Variants in PRH1 observed in about 807,000 individuals in gnomAD.
PRH1 encodes the protein proline rich protein HaeIII subfamily 1, also known as salivary acidic proline-rich phosphoprotein 1/2.
A neutral mutation model predicts 7.9 loss-of-function variants in PRH1; 7 were observed. The observed-to-expected ratio is 0.89, with a 90% confidence interval of 0.50 to 1.67. The LOEUF is 1.67. Ranked by LOEUF, PRH1 falls within the 40% of genes most tolerant of loss-of-function variation. The probability of loss-of-function intolerance (pLI) is 0.00; values close to 1 mark genes in which losing one functional copy is unlikely to be tolerated. For missense variants in PRH1, 109 were observed against 223.6 expected, an observed-to-expected ratio of 0.49 and a Z score of 3.27; for synonymous variants, 45 against 80.8, an observed-to-expected ratio of 0.56 and a Z score of 2.38.
At chr12:10,921,721 G>A (rs940770820) in intron 2 of PRH1, among the ~76,000 whole-genome samples, 35 of 152,140 alleles carry the variant, frequency 2.3e-4, no homozygotes, top group African/African-American at 8.2e-4. Context: ...CTTTTGCTGA[G>A]TCTATGACTT....
At chr12:10,954,631 C>T (rs372087239) in intron 2 of PRH1, among the ~76,000 whole-genome samples, 1 of 152,008 alleles carries the variant, frequency 6.6e-6, no homozygotes, top group African/African-American at 2.4e-5. Context: ...CCATGACTGG[C>T]TAATTTTTGT....
At chr12:11,065,468 A>G (rs1047253180) in intron 1 of PRH1, among the ~76,000 whole-genome samples, 1 of 151,836 alleles carries the variant, frequency 6.6e-6, no homozygotes, top group African/African-American at 2.4e-5. Context: ...AATGTCTCTG[A>G]CCCTCTAGCC....
chr12:11,051,189 A>G (rs558307094), upstream of PRH1, among the ~76,000 whole-genome samples: 40 of 152,364 alleles, frequency 2.6e-4, no homozygotes, highest in African/African-American at 8.9e-4. Context: ...GGAAAAATAG[A>G]TGGAAAATGT....
chr12:10,908,889 G>A, intron 2 of PRH1: 6 of 1,612,854 alleles, frequency 3.7e-6, no homozygotes, highest in Non-Finnish European at 5.1e-6. Flanking sequence ...GAAGACCAAG[G>A]TTCCTAGCAG....
intron 1 of PRH1, among the ~76,000 whole-genome samples, chr12:10,995,929 C>T (rs115247606): frequency 0.026 from 3,970 of 152,046 alleles, 167 homozygotes; most frequent in African/African-American, 0.089. Context: ...CTCAGTATTG[C>T]TTTTGATACA....
In PRH1 at chr12:11,168,203, AAGAAAGAAAG is replaced by A. The variant is rs1947642973; in HGVS notation, n.39+3209_39+3218del. Among the ~76,000 whole-genome samples the A allele has an allele frequency of 1.2e-4, 5 of 42,748 alleles. 1 individual carries two copies. In the South Asian group the frequency reaches 7.5e-3, roughly 64 times the overall value. The allele number at this position is 42,748 out of a possible 152,430, so 28.0% of individuals were successfully genotyped here. ...ATATTAAAGCCATGGCAAAAAACGAAAGAAAGAAAGAAGAAAGAAAGAAAGAAAGAAAGAA... is the reference window on the plus strand; with the variant it reads ...ATATTAAAGCCATGGCAAAAAACGAAAAGAAAGAAAGAAAGAAAGAAAGAA... On this transcript the variant is annotated intron_variant and non_coding_transcript_variant, in intron 1 of 1. Transcript: ENST00000541175.
intron 1 of PRH1, among the ~76,000 whole-genome samples, chr12:11,035,963 G>A (rs1942418039): frequency 6.6e-6 from 1 of 152,074 alleles, no homozygotes; most frequent in Admixed American, 6.5e-5. Context: ...GCGCGATCTC[G>A]GCTCACTGCA....
rs1438044802 is a variant in PRH1, at chr12:10,954,529, G to A, written c.-59+19126C>T. 3.9e-5 allele frequency among the ~76,000 whole-genome samples: 6 copies of A among 152,138 alleles called. No individual in the cohort carries two copies. In the East Asian group the frequency reaches 5.8e-4, roughly 15 times the overall value. On this transcript the variant is annotated intron_variant, in intron 2 of 3. Coordinates refer to the PRH1 transcript ENST00000539853. ...GTTGCCCAGGCCATAGTGCAGTGGC[G>A]CAATCTCAGCCTACCACAACCTCTA...
chr12:11,160,553 C>G (rs1332116518), intron 1 of PRH1, among the ~76,000 whole-genome samples: 1 of 152,140 alleles, frequency 6.6e-6, no homozygotes, highest in Non-Finnish European at 1.5e-5. Flanking sequence ...TCACTGCAAC[C>G]TCCGCCTCCC....
At chr12:11,115,067 T>C (rs549568180) in intron 1 of PRH1, among the ~76,000 whole-genome samples, 24 of 152,070 alleles carry the variant, frequency 1.6e-4, no homozygotes, top group Non-Finnish European at 3.1e-4. Flanking sequence ...ACATTGAATG[T>C]AAATGGGCTA....
At chr12:11,133,770 C>T in intron 1 of PRH1, 1 of 1,614,164 alleles carries the variant, frequency 6.2e-7, no homozygotes, top group Non-Finnish European at 8.5e-7. Context: ...ACGTTTCCTT[C>T]ATATTCTTTT....
chr12:11,110,409 A>G (rs1218510541), intron 1 of PRH1, among the ~76,000 whole-genome samples: 1 of 152,232 alleles, frequency 6.6e-6, no homozygotes, highest in Non-Finnish European at 1.5e-5. Flanking sequence ...TGTTAAGAAC[A>G]GCCAGAAAGA....
chr12:11,139,961 A>G (rs1230988422), intron 1 of PRH1, among the ~76,000 whole-genome samples: 1 of 152,048 alleles, frequency 6.6e-6, no homozygotes, highest in East Asian at 1.9e-4. Context: ...ATTATTAAAC[A>G]ATAGTTTCCA....
chr12:10,958,400 A>G (rs1180087599), intron 2 of PRH1, among the ~76,000 whole-genome samples: 1 of 152,130 alleles, frequency 6.6e-6, no homozygotes, highest in East Asian at 1.9e-4. Context: ...ACCACGGTCT[A>G]TGTGAACAGA....
intron 2 of PRH1, among the ~76,000 whole-genome samples, chr12:10,920,650 T>C (rs1373713818): frequency 6.6e-6 from 1 of 152,152 alleles, no homozygotes; most frequent in African/African-American, 2.4e-5. Flanking sequence ...TCAAAAGTTT[T>C]CCTGTTGATT....
downstream of PRH1, among the ~76,000 whole-genome samples, chr12:11,120,498 GC>G (rs1221388081): frequency 6.6e-6 from 1 of 152,098 alleles, no homozygotes; most frequent in African/African-American, 2.4e-5. Context: ...TAACTCTACA[GC>G]TTTTTTACTG....
intron 1 of PRH1, chr12:11,091,162 G>T: frequency 2.3e-6 from 1 of 437,668 alleles, no homozygotes; most frequent in Non-Finnish European, 3.3e-6. Context: ...CTGCCATTGG[G>T]TCAAAGACTT....
intron 2 of PRH1, chr12:10,908,708 A>G (rs751826901): frequency 6.2e-7 from 1 of 1,613,860 alleles, no homozygotes; most frequent in Non-Finnish European, 8.5e-7. Flanking sequence ...ACAGGAGAAA[A>G]GAGATGAAGG....
chr12:11,040,429 G>A (rs1942660056), intron 1 of PRH1, among the ~76,000 whole-genome samples: 1 of 152,174 alleles, frequency 6.6e-6, no homozygotes, highest in African/African-American at 2.4e-5. Context: ...CATGGATGAA[G>A]CTGGAAATCA....
Sources: allele counts gnomAD v4.1 joint callset (sites outside exome capture counted in the v4.1 genomes callset), GRCh38; gene constraint gnomAD v4.1.1; transcripts MANE v1.5; gene names NCBI Gene and HGNC (gene_info 2026-07-23, HGNC 2026-07-21).